KCNQ3: variants seen among roughly 807,000 people sequenced by gnomAD.
The protein encoded by KCNQ3 is potassium voltage-gated channel subfamily KQT member 3.
In KCNQ3, 30 loss-of-function variants were observed where a neutral mutation model predicts 92.5. That is an observed-to-expected ratio of 0.32 (90% CI 0.24 to 0.44). The LOEUF (loss-of-function observed/expected upper bound fraction) is 0.44, where lower values mean the gene tolerates loss of function less well. Among genes scored for constraint, KCNQ3 ranks in the 20% least tolerant of loss-of-function variants. The pLI, the probability that KCNQ3 is intolerant of heterozygous loss-of-function variation, is 1.00. For synonymous variants in KCNQ3, 450 were observed against 468.8 expected (o/e 0.96, Z 0.52); for missense variants, 913 against 1,140.3 (o/e 0.80, Z 2.87).
Position 132,480,609 on chromosome 8 carries a change from A to AGGCGGC in KCNQ3, c.-83_-78dup, listed in dbSNP as rs761199914. On this transcript the variant is annotated 5_prime_UTR_variant, in exon 1 of 15. Coordinates refer to ENST00000388996, the MANE Select transcript of KCNQ3 (RefSeq NM_004519.4). ...AAGGGGCGCTCGGGGTGCGTGAACG[A>AGGCGGC]GGCGGCGGCGGCGGCTGCAAGCCCG... The AGGCGGC allele has an allele frequency of 1.7e-5, 21 of 1,202,462 alleles. No homozygotes were observed. Among genetic ancestry groups the AGGCGGC allele is most frequent in the South Asian group, 3.3e-5 (2 of 60,520 alleles). 74.5% of individuals were successfully genotyped at this position (1,202,462 alleles called of 1,614,324 possible). A position where few individuals can be genotyped will look rare whatever the true frequency, so the allele number is the denominator to read the frequency against.
At position 132,480,287 on chromosome 8, in the gene KCNQ3, C is replaced by A; in HGVS notation, c.246G>T (p.Pro82=). The change falls in exon 1 of 15, where the codon CCG becomes CCT. Residue 82 remains proline (P), a synonymous_variant. Transcript: ENST00000388996. ...GGRDEGQRRT[P]QGIGLLAKTP... ...TCTTGGCCAGGAGCCCGATGCCCTG[C>A]GGGGTCCTCCGCTGCCCCTCGTCGC... 1 of 1,608,460 alleles carries A rather than the reference C, an allele frequency of 6.2e-7. No individual in the cohort carries two copies. Among genetic ancestry groups the A allele is most frequent in the South Asian group, 1.1e-5 (1 of 90,316 alleles).
At chr8:132,475,446 G>A (rs574088719) in intron 1 of KCNQ3, among the ~76,000 whole-genome samples, 2 of 152,310 alleles carry the variant, frequency 1.3e-5, no homozygotes, top group Non-Finnish European at 2.9e-5. Flanking sequence ...CCAGGCTGAG[G>A]TGGTCTCAGA....
intron 1 of KCNQ3, among the ~76,000 whole-genome samples, chr8:132,361,045 C>G (rs965863045): frequency 6.6e-6 from 1 of 152,128 alleles, no homozygotes; most frequent in Non-Finnish European, 1.5e-5. Flanking sequence ...GGTTTCCATT[C>G]CACCCTCTCA....
chr8:132,182,868 A>C (rs1826832260), intron 3 of KCNQ3, among the ~76,000 whole-genome samples: 1 of 149,556 alleles, frequency 6.7e-6, no homozygotes, highest in South Asian at 2.1e-4. Flanking sequence ...TCATTAAAAA[A>C]GTCCTCCAAT....
chr8:132,277,023 A>G (rs1480683289), intron 1 of KCNQ3, among the ~76,000 whole-genome samples: 1 of 152,196 alleles, frequency 6.6e-6, no homozygotes, highest in Non-Finnish European at 1.5e-5. Context: ...TTGAAGAAAC[A>G]TGCAATGAAA....
At chr8:132,331,442 C>A (rs1048239981) in intron 1 of KCNQ3, among the ~76,000 whole-genome samples, 13 of 152,164 alleles carry the variant, frequency 8.5e-5, no homozygotes, top group Admixed American at 7.9e-4. Flanking sequence ...TATGGCCACC[C>A]GTGGGGCCTC....
intron 9 of KCNQ3, among the ~76,000 whole-genome samples, chr8:132,154,149 C>T (rs1029883500): frequency 5.6e-5 from 8 of 142,472 alleles, no homozygotes; most frequent in South Asian, 2.3e-4. Flanking sequence ...CTAGGCTCAG[C>T]GGAAGGGAAC....
At chr8:132,223,487 G>A (rs1289769181) in intron 1 of KCNQ3, among the ~76,000 whole-genome samples, 3 of 152,182 alleles carry the variant, frequency 2.0e-5, no homozygotes, top group South Asian at 4.1e-4. Context: ...TTTGCCAGGT[G>A]GGGCTATCAA....
intron 1 of KCNQ3, among the ~76,000 whole-genome samples, chr8:132,233,809 A>G (rs1656841869): frequency 6.6e-6 from 1 of 152,232 alleles, no homozygotes; most frequent in Non-Finnish European, 1.5e-5. Context: ...TAATGGAATT[A>G]ATCACATCTT....
intron 1 of KCNQ3, among the ~76,000 whole-genome samples, chr8:132,248,659 C>T (rs1815274060): frequency 6.6e-6 from 1 of 152,154 alleles, no homozygotes; most frequent in African/African-American, 2.4e-5. Context: ...ATGCGCAGTC[C>T]CTGTGGTTCA....
At chr8:132,337,108 GA>G (rs1462566113) in intron 1 of KCNQ3, among the ~76,000 whole-genome samples, 1 of 152,212 alleles carries the variant, frequency 6.6e-6, no homozygotes, top group Non-Finnish European at 1.5e-5. Context: ...AGTTGGTCAT[GA>G]CACTTACATA....
chr8:132,155,089 G>T (rs1407051473), intron 9 of KCNQ3, among the ~76,000 whole-genome samples: 1 of 152,060 alleles, frequency 6.6e-6, no homozygotes, highest in African/African-American at 2.4e-5. Context: ...TCCTTCCTTT[G>T]TGCCTGTTTC....
At chr8:132,157,896 T>C (rs1318051820) in intron 9 of KCNQ3, among the ~76,000 whole-genome samples, 1 of 152,136 alleles carries the variant, frequency 6.6e-6, no homozygotes, top group African/African-American at 2.4e-5. Context: ...TTCTCATTGT[T>C]CAACTCCCAT....
chr8:132,394,717 C>G (rs1281589128), intron 1 of KCNQ3, among the ~76,000 whole-genome samples: 1 of 152,124 alleles, frequency 6.6e-6, no homozygotes, highest in Non-Finnish European at 1.5e-5. Flanking sequence ...CTTCCCAGAT[C>G]ATGAGGCTCC....
chr8:132,427,317 T>A (rs2130818941), intron 1 of KCNQ3, among the ~76,000 whole-genome samples: 1 of 152,298 alleles, frequency 6.6e-6, no homozygotes, highest in South Asian at 2.1e-4. Context: ...AGTCTCTGTC[T>A]GTAAAATGAG....
chr8:132,412,095 C>G (rs1820666487), intron 1 of KCNQ3, among the ~76,000 whole-genome samples: 1 of 152,206 alleles, frequency 6.6e-6, no homozygotes, highest in African/African-American at 2.4e-5. Context: ...ATGAAGCAAG[C>G]CCACTGCCTG....
At position 132,125,744 on chromosome 8, in the gene KCNQ3, C is replaced by A. The variant is rs896530685; in HGVS notation, c.*3518G>T. ...TGTTGATTAATTAGTTCATTTTAACCTATACACCTTGGGGTTATCTAGTTA... is the reference window on the plus strand; with the variant it reads ...TGTTGATTAATTAGTTCATTTTAACATATACACCTTGGGGTTATCTAGTTA... On this transcript the variant is annotated 3_prime_UTR_variant, in exon 15 of 15. Coordinates refer to ENST00000388996, the MANE Select transcript of KCNQ3 (RefSeq NM_004519.4). 1.3e-5 allele frequency: 2 copies of A among 152,080 alleles called. No homozygotes were observed. Among genetic ancestry groups the A allele is most frequent in the Admixed American group, 6.5e-5 (1 of 15,276 alleles). The allele number at this position is 152,080 out of a possible 1,614,324, so 9.4% of individuals were successfully genotyped here.
At chr8:132,469,870 G>A (rs550365563) in intron 1 of KCNQ3, among the ~76,000 whole-genome samples, 1 of 151,838 alleles carries the variant, frequency 6.6e-6, no homozygotes, top group African/African-American at 2.4e-5. Context: ...TTTGCATTCT[G>A]TTCTCCAAGC....
At chr8:132,463,246 AT>A (rs2130859872) in intron 1 of KCNQ3, among the ~76,000 whole-genome samples, 1 of 152,320 alleles carries the variant, frequency 6.6e-6, no homozygotes, top group South Asian at 2.1e-4. Flanking sequence ...AACAAGAAGT[AT>A]TTGGAATAAG....
Sources: allele counts gnomAD v4.1 joint callset (sites outside exome capture counted in the v4.1 genomes callset), GRCh38; gene constraint gnomAD v4.1.1; transcripts MANE v1.5; gene names NCBI Gene and HGNC (gene_info 2026-07-23, HGNC 2026-07-21).